SPAG16: variants seen among roughly 807,000 people sequenced by gnomAD.
SPAG16 encodes sperm-associated antigen 16 protein.
A neutral mutation model predicts 80.4 loss-of-function variants in SPAG16; 86 were observed. The ratio of observed to expected loss-of-function variants is 1.07; its 90% CI spans 0.90 to 1.28. The LOEUF is 1.28. Among genes scored for constraint, SPAG16 ranks in the 50% most tolerant of loss-of-function variants. The probability of loss-of-function intolerance (pLI) is 0.00; values close to 1 mark genes in which losing one functional copy is unlikely to be tolerated. For synonymous variants in SPAG16, 294 were observed against 265.9 expected, an observed-to-expected ratio of 1.11 and a Z score of -1.03; for missense variants, 870 against 765.3, an observed-to-expected ratio of 1.14 and a Z score of -1.61.
At chr2:213,738,491 C>T (rs2125447056) in intron 10 of SPAG16, among the ~76,000 whole-genome samples, 1 of 152,160 alleles carries the variant, frequency 6.6e-6, no homozygotes, top group Admixed American at 6.5e-5. Flanking sequence ...ACAGTAGCTA[C>T]ATTACTATTC....
At chr2:213,971,744 G>T (rs918257083) in intron 12 of SPAG16, among the ~76,000 whole-genome samples, 19 of 152,092 alleles carry the variant, frequency 1.2e-4, no homozygotes, top group Non-Finnish European at 4.4e-5. Context: ...ACATACATAT[G>T]TTTAACTTTT....
At chr2:214,018,082 G>A (rs928507197) in intron 13 of SPAG16, among the ~76,000 whole-genome samples, 1 of 151,882 alleles carries the variant, frequency 6.6e-6, no homozygotes, top group African/African-American at 2.4e-5. Flanking sequence ...GGCATATAAT[G>A]CAAAGGAAAC....
At chr2:214,244,289 T>A (rs1245352860) in intron 15 of SPAG16, among the ~76,000 whole-genome samples, 2 of 151,858 alleles carry the variant, frequency 1.3e-5, no homozygotes, top group Non-Finnish European at 2.9e-5. Flanking sequence ...TATAAATAGA[T>A]TTAATTGGCA....
At chr2:214,286,480 C>G (rs1693375825) in intron 15 of SPAG16, among the ~76,000 whole-genome samples, 1 of 152,136 alleles carries the variant, frequency 6.6e-6, no homozygotes, top group South Asian at 2.1e-4. Context: ...GGCGTGGTGG[C>G]TCACACCTAT....
intron 13 of SPAG16, among the ~76,000 whole-genome samples, chr2:214,094,925 C>A (rs150412400): frequency 2.6e-5 from 4 of 151,910 alleles, no homozygotes; most frequent in Admixed American, 6.6e-5. Context: ...GGTTTCTGGA[C>A]GTCAGATCGT....
At chr2:213,910,492 T>TACTAGATCTACAAAACAATCATTAAAAG (rs1290950469) in intron 11 of SPAG16, among the ~76,000 whole-genome samples, 4 of 82,956 alleles carry the variant, frequency 4.8e-5, no homozygotes, top group Middle Eastern at 5.3e-3. Context: ...AGAATTCTTT[T>TACTAGATCTACAAAACAATCATTAAAAG]TTTTTTTTTT....
chr2:214,280,458 C>T (rs1434161875), intron 15 of SPAG16, among the ~76,000 whole-genome samples: 3 of 152,130 alleles, frequency 2.0e-5, no homozygotes, highest in African/African-American at 7.2e-5. Flanking sequence ...ACACTATCTG[C>T]TCTCAAGGTT....
At chr2:214,191,133 G>C (rs1282881588) in intron 15 of SPAG16, among the ~76,000 whole-genome samples, 1 of 152,102 alleles carries the variant, frequency 6.6e-6, no homozygotes, top group Non-Finnish European at 1.5e-5. Flanking sequence ...AATTGTAGAA[G>C]AGGAGAATGA....
At chr2:213,661,339 T>C (rs1186866455) in intron 10 of SPAG16, among the ~76,000 whole-genome samples, 1 of 152,238 alleles carries the variant, frequency 6.6e-6, no homozygotes, top group Non-Finnish European at 1.5e-5. Flanking sequence ...GAATTTTTGT[T>C]TCAGATTGGA....
intron 10 of SPAG16, among the ~76,000 whole-genome samples, chr2:213,820,712 T>C (rs2072888062): frequency 6.6e-6 from 1 of 152,092 alleles, no homozygotes; most frequent in Admixed American, 6.6e-5. Flanking sequence ...ATCAGAGATA[T>C]ATAGATTTAT....
chr2:213,584,598 A>T (rs1198754097), intron 10 of SPAG16, among the ~76,000 whole-genome samples: 2 of 151,946 alleles, frequency 1.3e-5, no homozygotes, highest in East Asian at 3.9e-4. Flanking sequence ...AAGGAAAGGA[A>T]AAAGGAAGGA....
At chr2:214,155,829 G>A (rs1231320734) in intron 15 of SPAG16, among the ~76,000 whole-genome samples, 1 of 152,094 alleles carries the variant, frequency 6.6e-6, no homozygotes, top group Non-Finnish European at 1.5e-5. Context: ...CCAACTCAAT[G>A]AGATTGTTAC....
chr2:214,259,473 C>CTTTT (rs5838423), intron 15 of SPAG16, among the ~76,000 whole-genome samples: 2 of 91,232 alleles, frequency 2.2e-5, no homozygotes, highest in Non-Finnish European at 4.2e-5. Flanking sequence ...ACACGTATAG[C>CTTTT]TTTTTTTTTT....
chr2:213,708,260 T>C (rs2065840992), intron 10 of SPAG16, among the ~76,000 whole-genome samples: 1 of 152,204 alleles, frequency 6.6e-6, no homozygotes, highest in African/African-American at 2.4e-5. Context: ...ATTAGGTATG[T>C]CATTTTCCCC....
chr2:214,274,433 G>A (rs1692290467), intron 15 of SPAG16, among the ~76,000 whole-genome samples: 1 of 152,140 alleles, frequency 6.6e-6, no homozygotes, highest in Non-Finnish European at 1.5e-5. Flanking sequence ...CTGTGAGTTT[G>A]TCATAAATAG....
At chr2:213,490,207 AC>A in intron 10 of SPAG16, 117 bp downstream of exon 10, 2 of 973,796 alleles carry the variant, frequency 2.1e-6, no homozygotes, top group Non-Finnish European at 2.9e-6. Flanking sequence ...CAAAATTGCT[AC>A]TCATAGCATG....
intron 15 of SPAG16, among the ~76,000 whole-genome samples, chr2:214,204,039 G>A (rs1488355854): frequency 1.3e-5 from 2 of 152,282 alleles, no homozygotes; most frequent in East Asian, 3.9e-4. Context: ...GAGCTGATGA[G>A]GCCTGTAACT....
intron 9 of SPAG16, among the ~76,000 whole-genome samples, chr2:213,388,979 G>A (rs998832133): frequency 4.6e-5 from 7 of 152,196 alleles, no homozygotes; most frequent in African/African-American, 1.7e-4. Context: ...TGCAAAAGAA[G>A]AACAAACTTG....
intron 12 of SPAG16, among the ~76,000 whole-genome samples, chr2:213,962,557 A>G (rs1470473444): frequency 1.3e-5 from 2 of 152,210 alleles, no homozygotes; most frequent in East Asian, 3.8e-4. Flanking sequence ...CTGTGTGAGG[A>G]CAGCAAGAAT....
Sources: gnomAD v4.1 joint callset for allele counts (sites outside exome capture counted in the v4.1 genomes callset) on GRCh38, gnomAD v4.1.1 for gene constraint, MANE v1.5 for transcripts, NCBI Gene and HGNC (gene_info 2026-07-23, HGNC 2026-07-21) for gene names.